Variants in KCTD1 observed in about 807,000 individuals in gnomAD.
KCTD1 encodes BTB/POZ domain-containing protein KCTD1.
KCTD1 carries 24 observed loss-of-function variants against 66.0 expected under a neutral mutation model. That is an observed-to-expected ratio of 0.36 (90% CI 0.26 to 0.51). KCTD1 has a LOEUF of 0.51. KCTD1 is among the 20% of genes least tolerant of loss of function. The probability of loss-of-function intolerance (pLI) is 0.95; values close to 1 mark genes in which losing one functional copy is unlikely to be tolerated. For missense variants in KCTD1, 943 were observed against 1,205.2 expected, an observed-to-expected ratio of 0.78 and a Z score of 3.22; for synonymous variants, 511 against 517.2, an observed-to-expected ratio of 0.99 and a Z score of 0.16.
chr18:26,605,720 C>A (rs1207489979), intron 1 of KCTD1, among the ~76,000 whole-genome samples: 5 of 107,440 alleles, frequency 4.7e-5, no homozygotes, highest in South Asian at 3.7e-4. Flanking sequence ...ATATATATAT[C>A]TCTATATCTA....
intron 1 of KCTD1, among the ~76,000 whole-genome samples, chr18:26,570,243 AG>A (rs1223743291): frequency 6.7e-6 from 1 of 149,914 alleles, no homozygotes; most frequent in Non-Finnish European, 1.5e-5. Flanking sequence ...CCTTAAGGAC[AG>A]GGGAAATCAT....
intron 1 of KCTD1, among the ~76,000 whole-genome samples, chr18:26,638,455 C>T (rs1435860416): frequency 6.6e-6 from 1 of 152,256 alleles, no homozygotes; most frequent in Non-Finnish European, 1.5e-5. Flanking sequence ...GCTGGCTGTT[C>T]AAGCTGTAGC....
At chr18:26,650,989 A>G (rs1370380935) in intron 1 of KCTD1, among the ~76,000 whole-genome samples, 1 of 152,234 alleles carries the variant, frequency 6.6e-6, no homozygotes, top group East Asian at 1.9e-4. Context: ...TAGAAAACAA[A>G]TCCCTATTTT....
At position 26,517,849 on chromosome 18, in the gene KCTD1, C is replaced by T. The variant is rs567900996; in HGVS notation, c.1810-16599G>A. On this transcript the variant is annotated intron_variant, in intron 1 of 4. Transcript: ENST00000580059. The stretch of plus-strand genomic sequence containing the variant: ...GTCTCAGATATGTCTTTATCAGCAG[C>T]GTGAAAACAGACTAACACAGCGGCC... 2.7e-3 allele frequency among the ~76,000 whole-genome samples: 413 copies of T among 152,322 alleles called. 1 individual carries two copies. Among genetic ancestry groups the T allele is most frequent in the African/African-American group, 8.9e-3 (368 of 41,564 alleles).
intron 2 of KCTD1, among the ~76,000 whole-genome samples, chr18:26,484,069 A>G (rs1981789209): frequency 6.6e-6 from 1 of 152,254 alleles, no homozygotes; most frequent in Non-Finnish European, 1.5e-5. Context: ...AAATATCATC[A>G]GTCAATTTGT....
At chr18:26,639,950 G>T (rs1431518945) in intron 1 of KCTD1, among the ~76,000 whole-genome samples, 2 of 152,156 alleles carry the variant, frequency 1.3e-5, no homozygotes, top group Non-Finnish European at 2.9e-5. Flanking sequence ...ATAGAGTTTG[G>T]CATCCTAATA....
upstream of KCTD1, among the ~76,000 whole-genome samples, chr18:26,629,594 G>T (rs986725102): frequency 8.5e-5 from 13 of 152,186 alleles, no homozygotes; most frequent in Admixed American, 2.6e-4. Context: ...CTGCGAAAGG[G>T]ACATTTACAT....
chr18:26,602,172 A>G (rs1184947157), intron 1 of KCTD1, among the ~76,000 whole-genome samples: 2 of 152,142 alleles, frequency 1.3e-5, no homozygotes, highest in Non-Finnish European at 2.9e-5. Flanking sequence ...TAGTGGTTTT[A>G]TCATGAAAGG....
At chr18:26,623,498 T>C (rs1322431718) in intron 1 of KCTD1, among the ~76,000 whole-genome samples, 1 of 152,180 alleles carries the variant, frequency 6.6e-6, no homozygotes, top group Non-Finnish European at 1.5e-5. Flanking sequence ...CTGATGGTTT[T>C]ATAAGGGAGT....
At chr18:26,512,625 GTTTAA>G (rs1415977191) in intron 1 of KCTD1, among the ~76,000 whole-genome samples, 2 of 152,156 alleles carry the variant, frequency 1.3e-5, no homozygotes, top group Admixed American at 1.3e-4. Flanking sequence ...GTGTCTGTAA[GTTTAA>G]TTTGAGAATT....
chr18:26,539,647 C>T (rs1453206567), intron 1 of KCTD1, among the ~76,000 whole-genome samples: 1 of 152,196 alleles, frequency 6.6e-6, no homozygotes, highest in African/African-American at 2.4e-5. Context: ...GTGCCTTATG[C>T]CCCTACAGTG....
At chr18:26,512,249 G>C (rs192544515) in intron 1 of KCTD1, among the ~76,000 whole-genome samples, 3 of 151,830 alleles carry the variant, frequency 2.0e-5, no homozygotes, top group Middle Eastern at 6.8e-3. Context: ...GACTACAGGC[G>C]CACACTGCCA....
chr18:26,483,914 G>C (rs1981781958), intron 2 of KCTD1, among the ~76,000 whole-genome samples: 1 of 152,148 alleles, frequency 6.6e-6, no homozygotes, highest in Admixed American at 6.5e-5. Flanking sequence ...AAACAAAGTG[G>C]GGGGAAGGGA....
intron 3 of KCTD1, among the ~76,000 whole-genome samples, chr18:26,469,772 T>C (rs1980950574): frequency 6.6e-6 from 1 of 152,232 alleles, no homozygotes; most frequent in Non-Finnish European, 1.5e-5. Flanking sequence ...CCTTTTCTGC[T>C]GTATTTCAGT....
intron 1 of KCTD1, among the ~76,000 whole-genome samples, chr18:26,513,161 C>T (rs1983433774): frequency 6.8e-6 from 1 of 148,014 alleles, no homozygotes; most frequent in Admixed American, 6.8e-5. Context: ...CATCTCGGTT[C>T]ACTGCAAGCT....
intron 2 of KCTD1, among the ~76,000 whole-genome samples, chr18:26,480,224 T>C (rs1373776066): frequency 7.3e-6 from 1 of 136,756 alleles, no homozygotes; most frequent in African/African-American, 2.5e-5. Flanking sequence ...AATAATAGAA[T>C]GAACCCCCAT....
chr18:26,582,143 C>G (rs1486447090), intron 1 of KCTD1, among the ~76,000 whole-genome samples: 1 of 150,962 alleles, frequency 6.6e-6, no homozygotes, highest in African/African-American at 2.4e-5. Flanking sequence ...CATATTGGTG[C>G]GTGCCTGTGG....
intron 3 of KCTD1, among the ~76,000 whole-genome samples, chr18:26,470,280 G>A (rs1267850795): frequency 1.3e-5 from 2 of 151,426 alleles, no homozygotes; most frequent in African/African-American, 2.4e-5. Context: ...AATAAGCGAA[G>A]AAAAAAAAAT....
intron 1 of KCTD1, among the ~76,000 whole-genome samples, chr18:26,542,365 G>C (rs1985012526): frequency 6.6e-6 from 1 of 152,164 alleles, no homozygotes; most frequent in South Asian, 2.1e-4. Context: ...TGCAATGAAT[G>C]ACAGATAAGT....
Sources: allele counts gnomAD v4.1 joint callset (sites outside exome capture counted in the v4.1 genomes callset), GRCh38; gene constraint gnomAD v4.1.1; transcripts MANE v1.5; gene names NCBI Gene and HGNC (gene_info 2026-07-23, HGNC 2026-07-21).